The following CD96 variants were observed in gnomAD, a reference collection of about 807,000 sequenced individuals.
CD96 encodes the protein CD96 molecule, also known as T-cell surface protein tactile.
A neutral mutation model predicts 71.3 loss-of-function variants in CD96; 70 were observed. That is an observed-to-expected ratio of 0.98 (90% CI 0.81 to 1.20). The LOEUF is 1.20. CD96 is among the 50% of genes most tolerant of loss of function. CD96 has a pLI of 0.00. For synonymous variants in CD96, 248 were observed against 233.0 expected (o/e 1.06, Z -0.59); for missense variants, 742 against 677.5 (o/e 1.10, Z -1.06).
chr3:111,646,457 A>G (rs1302823244), intron 12 of CD96, among the ~76,000 whole-genome samples: 1 of 151,972 alleles, frequency 6.6e-6, no homozygotes, highest in African/African-American at 2.4e-5. Flanking sequence ...AAAAGCTCAA[A>G]ATCACTAATC....
intron 5 of CD96, chr3:111,593,842 C>T: frequency 2.5e-6 from 4 of 1,614,048 alleles, no homozygotes; most frequent in Non-Finnish European, 3.4e-6. Context: ...GATCCTGGCG[C>T]TGCCCAGCCT....
At chr3:111,556,752 T>C (rs1935074066) in intron 2 of CD96, among the ~76,000 whole-genome samples, 1 of 151,576 alleles carries the variant, frequency 6.6e-6, no homozygotes, top group African/African-American at 2.4e-5. Flanking sequence ...ATGGTATTTC[T>C]AGTTCTAGAT....
intron 8 of CD96, among the ~76,000 whole-genome samples, chr3:111,612,149 T>C (rs1352132918): frequency 6.6e-6 from 1 of 152,122 alleles, no homozygotes. Flanking sequence ...AAAACAGCAG[T>C]TATGTATATG....
At chr3:111,570,000 C>T (rs1935901885) in intron 3 of CD96, among the ~76,000 whole-genome samples, 6 of 151,724 alleles carry the variant, frequency 4.0e-5, no homozygotes, top group Admixed American at 3.9e-4. Context: ...GTATGAGGCT[C>T]ACCCTGTCTG....
intron 2 of CD96, among the ~76,000 whole-genome samples, chr3:111,566,239 A>G (rs1341172376): frequency 2.0e-5 from 3 of 151,888 alleles, no homozygotes; most frequent in African/African-American, 7.2e-5. Flanking sequence ...TGATCCATTA[A>G]TTATACCTCA....
intron 5 of CD96, chr3:111,593,960 C>T (rs1026940676): frequency 3.1e-6 from 5 of 1,614,018 alleles, no homozygotes; most frequent in African/African-American, 1.3e-5. Flanking sequence ...CTGCCTGCCA[C>T]ACAGGCGGCA....
At chr3:111,638,385 G>A (rs917057430) in intron 12 of CD96, among the ~76,000 whole-genome samples, 20 of 152,186 alleles carry the variant, frequency 1.3e-4, no homozygotes, top group African/African-American at 4.6e-4. Context: ...ATAAGGTGTT[G>A]TCAGGGTCAA....
chr3:111,545,386 T>A lies in CD96; in HGVS notation c.402T>A (p.Leu134=), dbSNP rs1934341838. ...GCATTCAGACTAAAATCTACAACCT[T>A]CTCATTCAGACACACGGTAAGCATA... ...PEGIQTKIYN[L]LIQTHVTADE... The change falls in exon 2 of 14, where the codon CTT becomes CTA. Residue 134 remains leucine, a synonymous_variant. Transcript: ENST00000352690. 1 of 1,599,452 alleles carries A rather than the reference T, an allele frequency of 6.3e-7. No homozygotes were observed. Among genetic ancestry groups the A allele is most frequent in the African/African-American group, 1.3e-5 (1 of 74,754 alleles).
intron 3 of CD96, chr3:111,571,103 C>G (rs1410999815): frequency 1.3e-6 from 1 of 764,192 alleles, no homozygotes; most frequent in East Asian, 2.4e-5. Flanking sequence ...CCGGGCATCC[C>G]TCTGAATCCA....
intron 14 of CD96, among the ~76,000 whole-genome samples, chr3:111,661,198 AACTC>A (rs543293357): frequency 2.0e-5 from 3 of 152,114 alleles, no homozygotes; most frequent in Non-Finnish European, 2.9e-5. Context: ...ATCTCATGAG[AACTC>A]ACTCACTGTC....
chr3:111,594,516 G>T (rs1000296844), intron 5 of CD96: 4 of 286,814 alleles, frequency 1.4e-5, no homozygotes, highest in African/African-American at 6.6e-5. Flanking sequence ...GGGGTTCTCT[G>T]GTCCAACAAT....
chr3:111,551,997 G>T (rs1365652545), intron 2 of CD96, among the ~76,000 whole-genome samples: 1 of 152,064 alleles, frequency 6.6e-6, no homozygotes, highest in African/African-American at 2.4e-5. Flanking sequence ...CATTCTGAGT[G>T]GTGCAAGATG....
At chr3:111,632,334 A>G (rs1939108180) in intron 10 of CD96, among the ~76,000 whole-genome samples, 1 of 152,232 alleles carries the variant, frequency 6.6e-6, no homozygotes, top group Non-Finnish European at 1.5e-5. Context: ...AGTTCTCAAA[A>G]GAAGACATAC....
chr3:111,603,926 T>C (rs1326543233), intron 7 of CD96, among the ~76,000 whole-genome samples: 1 of 152,226 alleles, frequency 6.6e-6, no homozygotes, highest in African/African-American at 2.4e-5. Context: ...TGATCCTTTC[T>C]GAGAGTATCA....
intron 8 of CD96, among the ~76,000 whole-genome samples, chr3:111,609,870 C>T (rs748823965): frequency 3.3e-5 from 5 of 152,132 alleles, no homozygotes; most frequent in Non-Finnish European, 5.9e-5. Context: ...TCCAGAGGAC[C>T]TTTGGCAGTG....
intron 2 of CD96, among the ~76,000 whole-genome samples, chr3:111,555,627 T>C (rs1309836897): frequency 1.3e-5 from 2 of 152,306 alleles, no homozygotes; most frequent in Non-Finnish European, 2.9e-5. Flanking sequence ...GGTTGGTTTT[T>C]GCTCCTTTCA....
chr3:111,594,000 C>A (rs1937129654), intron 5 of CD96: 1 of 1,614,170 alleles, frequency 6.2e-7, no homozygotes, highest in African/African-American at 1.3e-5. Flanking sequence ...TGGTGCCCAG[C>A]ACGAGCAGGA....
intron 10 of CD96, among the ~76,000 whole-genome samples, chr3:111,633,203 A>G (rs1344370087): frequency 7.9e-5 from 12 of 151,896 alleles, no homozygotes; most frequent in Admixed American, 3.3e-4. Context: ...AGGCCCAAGG[A>G]GAGGAAGAGG....
At position 111,624,385 on chromosome 3, in the gene CD96, T is replaced by G. The variant is rs778454811; in HGVS notation, c.1302T>G (p.Ser434Arg). The G allele has an allele frequency of 6.2e-7, 1 of 1,608,852 alleles. No individual in the cohort carries two copies. Among genetic ancestry groups the G allele is most frequent in the South Asian group, 1.1e-5 (1 of 90,992 alleles). Residue 434 changes from serine (S) to arginine (R), a missense_variant, in exon 10 of 14, where the codon AGT becomes AGG. Physicochemically the swap from Ser to Arg is moderately radical, Grantham distance 110. Transcript: ENST00000352690. ...GCTTCAACTATCCCTGGACCTCCAG[T>G]GGGACAGATACCAAAAAATGTTAAG... ...TRGFNYPWTS[S>R]GTDTKKSVSR...
Sources: allele counts gnomAD v4.1 joint callset (sites outside exome capture counted in the v4.1 genomes callset), GRCh38; gene constraint gnomAD v4.1.1; transcripts MANE v1.5; gene names NCBI Gene and HGNC (gene_info 2026-07-23, HGNC 2026-07-21).